ASNS: variants seen among roughly 807,000 people sequenced by gnomAD.
ASNS encodes asparagine synthetase [glutamine-hydrolyzing].
Under a neutral mutation model 62.6 loss-of-function variants are expected in ASNS, and 37 were observed. The observed-to-expected ratio is 0.59, with a 90% CI of 0.45 to 0.78. The LOEUF (loss-of-function observed/expected upper bound fraction) is 0.78, where lower values mean the gene tolerates loss of function less well. ASNS is among the 30% of genes least tolerant of loss of function. ASNS has a pLI of 0.00. For synonymous variants in ASNS, 207 were observed against 237.9 expected (o/e 0.87, Z 1.19); for missense variants, 520 against 682.4 (o/e 0.76, Z 2.65).
chr7:97,907,752 G>T, the ASNS span, among the ~76,000 whole-genome samples: 159 of 135,264 alleles, frequency 1.2e-3, no homozygotes, highest in Non-Finnish European at 1.7e-3. Context: ...CTGGGTGACA[G>T]AGCAAGACTC....
At chr7:97,861,296 G>A (rs1791707412) in intron 4 of ASNS, among the ~76,000 whole-genome samples, 1 of 152,128 alleles carries the variant, frequency 6.6e-6, no homozygotes, top group Admixed American at 6.5e-5. Flanking sequence ...ACAGGCATAA[G>A]CCATCGCGCC....
chr7:97,867,852 T>C (rs752300726), intron 3 of ASNS, among the ~76,000 whole-genome samples: 5 of 152,212 alleles, frequency 3.3e-5, no homozygotes, highest in African/African-American at 1.2e-4. Flanking sequence ...AGTCTTCCTA[T>C]GAGCAGGCAA....
chr7:97,897,961 G>T, the ASNS span, among the ~76,000 whole-genome samples: 1 of 152,196 alleles, frequency 6.6e-6, no homozygotes, highest in Admixed American at 6.5e-5. Context: ...AGCTGTCATT[G>T]CAGTCCAGGC....
At chr7:97,915,062 C>T in the ASNS span, among the ~76,000 whole-genome samples, 3 of 152,146 alleles carry the variant, frequency 2.0e-5, no homozygotes, top group Admixed American at 6.6e-5. Flanking sequence ...AGTATAAACA[C>T]CCACCCTTTC....
the ASNS span, among the ~76,000 whole-genome samples, chr7:97,919,853 G>A: frequency 1.7e-4 from 26 of 152,144 alleles, no homozygotes; most frequent in Non-Finnish European, 3.2e-4. Context: ...GGAAAGCAAG[G>A]AAAATACACA....
At position 97,858,263 on chromosome 7, in the gene ASNS, G is replaced by A; in HGVS notation, c.903+15C>T. On this transcript the variant is annotated intron_variant, in intron 7 of 12. Transcript: ENST00000394308. ...CTCTAACTACACTACACAAGGGACA[G>A]AGACAGCACCTTACCTTTCTAGCAG... 3 of 1,612,200 alleles carry A rather than the reference G, an allele frequency of 1.9e-6. No homozygotes were observed. The highest frequency in any genetic ancestry group is 2.5e-6 in the Non-Finnish European group (3 of 1,179,798).
chr7:97,852,351 A>T lies in ASNS; in HGVS notation c.1594T>A (p.Trp532Arg). ...TTGGGCATCCAGTAATGGCTCAGCC[A>T]GTCAGCCCGGCCTGGGTAATGGCGT... ...FERHYPGRAD[W>R]LSHYWMPKWI... Residue 532 changes from tryptophan (W) to arginine (R), a missense_variant, in exon 13 of 13, where the codon TGG (tryptophan) becomes AGG (arginine). Trp to Arg is a moderately radical substitution (Grantham distance 101, BLOSUM62 -3). Transcript: ENST00000394308. 1 of 1,614,186 alleles carries T rather than the reference A, an allele frequency of 6.2e-7. No homozygotes were observed. The highest frequency in any genetic ancestry group is 8.5e-7 in the Non-Finnish European group (1 of 1,180,042).
the ASNS span, chr7:97,906,961 G>T: frequency 6.6e-6 from 1 of 152,098 alleles, no homozygotes; most frequent in Non-Finnish European, 1.5e-5. Flanking sequence ...ATTGGATGAG[G>T]CTCACCCACA....
At chr7:97,864,586 C>T (rs1791877889) in intron 3 of ASNS, 90 bp from the exon 4 acceptor site, 1 of 877,880 alleles carries the variant, frequency 1.1e-6, no homozygotes, top group Non-Finnish European at 1.8e-6. Context: ...TATTTCTGAG[C>T]TCTATAATCC....
chr7:97,918,525 G>A, the ASNS span, among the ~76,000 whole-genome samples: 3 of 152,206 alleles, frequency 2.0e-5, no homozygotes, highest in Non-Finnish European at 2.9e-5. Context: ...AGGTTCCAAC[G>A]TGAGACAATG....
At chr7:97,903,363 G>C in the ASNS span, among the ~76,000 whole-genome samples, 1 of 151,736 alleles carries the variant, frequency 6.6e-6, no homozygotes, top group Non-Finnish European at 1.5e-5. Context: ...TCAAGAACCG[G>C]AGATCCCCAC....
chr7:97,902,384 C>A, the ASNS span, among the ~76,000 whole-genome samples: 1 of 152,098 alleles, frequency 6.6e-6, no homozygotes, highest in Non-Finnish European at 1.5e-5. Context: ...GAAATGTGCA[C>A]ATAGAAGAGG....
intron 3 of ASNS, among the ~76,000 whole-genome samples, chr7:97,867,369 A>G (rs971770633): frequency 3.3e-5 from 5 of 152,250 alleles, no homozygotes; most frequent in African/African-American, 1.2e-4. Flanking sequence ...CATTAGACAG[A>G]CTGCTAGCTG....
the ASNS span, among the ~76,000 whole-genome samples, chr7:97,922,592 A>C: frequency 5.3e-5 from 8 of 152,200 alleles, no homozygotes; most frequent in African/African-American, 1.9e-4. Flanking sequence ...AAGTGTTCTC[A>C]CCATAAAAAA....
the ASNS span, among the ~76,000 whole-genome samples, chr7:97,897,110 G>A: frequency 6.6e-6 from 1 of 152,082 alleles, no homozygotes; most frequent in Non-Finnish European, 1.5e-5. Flanking sequence ...AACAAAGATT[G>A]TATCGCTAAC....
intron 3 of ASNS, among the ~76,000 whole-genome samples, chr7:97,868,000 AC>A (rs1792056301): frequency 6.6e-6 from 1 of 152,212 alleles, no homozygotes; most frequent in African/African-American, 2.4e-5. Flanking sequence ...AAATGCATGA[AC>A]CTTGAATGAA....
chr7:97,867,689 C>A (rs1792042525), intron 3 of ASNS, among the ~76,000 whole-genome samples: 1 of 152,134 alleles, frequency 6.6e-6, no homozygotes, highest in African/African-American at 2.4e-5. Flanking sequence ...AAATTCCATT[C>A]TTGCCTTTCC....
At chr7:97,889,927 CAAAAAA>C in the ASNS span, among the ~76,000 whole-genome samples, 34 of 38,564 alleles carry the variant, frequency 8.8e-4, no homozygotes, top group African/African-American at 3.4e-3. Flanking sequence ...ATAATGAATA[CAAAAAA>C]AAAAAAAAAA....
chr7:97,904,682 A>AATTGG, the ASNS span, among the ~76,000 whole-genome samples: 2 of 151,616 alleles, frequency 1.3e-5, no homozygotes, highest in Non-Finnish European at 2.9e-5. Flanking sequence ...AAGACAGGAG[A>AATTGG]ATTGGATACA....
Sources: allele counts gnomAD v4.1 joint callset (sites outside exome capture counted in the v4.1 genomes callset), GRCh38; gene constraint gnomAD v4.1.1; transcripts MANE v1.5; gene names NCBI Gene and HGNC (gene_info 2026-07-23, HGNC 2026-07-21).